MAF: variants seen among roughly 807,000 people sequenced by gnomAD.
MAF encodes the protein MAF bZIP transcription factor.
MAF carries 10 observed loss-of-function variants against 22.0 expected under a neutral mutation model. The ratio of observed to expected loss-of-function variants is 0.45; its 90% CI spans 0.28 to 0.77. MAF has a LOEUF of 0.77. Ranked by LOEUF, MAF falls within the 30% of genes least tolerant of loss-of-function variation. MAF has a pLI of 0.12. For missense variants in MAF, 544 were observed against 548.4 expected (o/e 0.99, Z 0.08); for synonymous variants, 337 against 255.8 (o/e 1.32, Z -3.03).
chr16:79,474,388 G>A, the MAF span, among the ~76,000 whole-genome samples: 4 of 152,288 alleles, frequency 2.6e-5, no homozygotes, highest in Admixed American at 1.3e-4. Context: ...TCCCTCATAT[G>A]TATTAAATGG....
At chr16:79,250,993 T>G in the MAF span, among the ~76,000 whole-genome samples, 449 of 152,336 alleles carry the variant, frequency 2.9e-3, 7 homozygotes, top group Admixed American at 0.023. Flanking sequence ...AACAGTGAGT[T>G]GTTAAGTGCT....
the MAF span, among the ~76,000 whole-genome samples, chr16:79,390,792 A>AC: frequency 2.0e-5 from 3 of 152,108 alleles, no homozygotes; most frequent in African/African-American, 7.2e-5. Context: ...TAATCTGATA[A>AC]CCGGGCCACA....
At chr16:79,352,460 G>C in the MAF span, among the ~76,000 whole-genome samples, 7 of 152,084 alleles carry the variant, frequency 4.6e-5, no homozygotes, top group African/African-American at 1.7e-4. Context: ...GGCAGTTTCT[G>C]AACTCCTCTA....
the MAF span, among the ~76,000 whole-genome samples, chr16:79,345,250 G>A: frequency 3.3e-5 from 5 of 151,930 alleles, no homozygotes; most frequent in Non-Finnish European, 7.4e-5. Flanking sequence ...CTAAACTCTT[G>A]ACCACCCTAT....
At chr16:79,259,254 C>A in the MAF span, among the ~76,000 whole-genome samples, 9 of 152,154 alleles carry the variant, frequency 5.9e-5, no homozygotes, top group African/African-American at 2.2e-4. Context: ...GGGATGCCCA[C>A]GCTTGCCCAC....
At chr16:79,513,023 G>C in the MAF span, among the ~76,000 whole-genome samples, 2 of 152,250 alleles carry the variant, frequency 1.3e-5, no homozygotes, top group African/African-American at 4.8e-5. Flanking sequence ...CCCAGAGGGA[G>C]TGCCTTTTCA....
At chr16:79,587,367 G>A (rs1041305304) in intron 1 of MAF, among the ~76,000 whole-genome samples, 1 of 151,880 alleles carries the variant, frequency 6.6e-6, no homozygotes, top group Non-Finnish European at 1.5e-5. Flanking sequence ...AGTATCAGTT[G>A]TTCTCCATTT....
the MAF span, among the ~76,000 whole-genome samples, chr16:79,574,506 A>G: frequency 6.6e-6 from 1 of 152,190 alleles, no homozygotes; most frequent in Non-Finnish European, 1.5e-5. Context: ...AAAATCGTCT[A>G]TGCATCTCTC....
the MAF span, among the ~76,000 whole-genome samples, chr16:79,527,270 T>C: frequency 7.9e-5 from 12 of 152,206 alleles, no homozygotes; most frequent in African/African-American, 2.9e-4. Flanking sequence ...TAGGGTTTCA[T>C]CTCCTTCATT....
At chr16:79,563,752 C>T in the MAF span, among the ~76,000 whole-genome samples, 3 of 132,814 alleles carry the variant, frequency 2.3e-5, no homozygotes, top group African/African-American at 7.5e-5. Context: ...CACACACACA[C>T]ACACACACAC....
downstream of MAF, among the ~76,000 whole-genome samples, chr16:79,580,900 G>C (rs1200087860): frequency 1.3e-5 from 2 of 152,128 alleles, no homozygotes; most frequent in African/African-American, 4.8e-5. Flanking sequence ...TTTGAGCGTT[G>C]GGAGAGAACT....
the MAF span, among the ~76,000 whole-genome samples, chr16:79,468,492 T>A: frequency 9.8e-5 from 15 of 152,348 alleles, no homozygotes; most frequent in Middle Eastern, 3.4e-3. Flanking sequence ...CGTCTGCTCT[T>A]GCCTCAAGAA....
chr16:79,307,900 A>C, the MAF span, among the ~76,000 whole-genome samples: 1 of 152,216 alleles, frequency 6.6e-6, no homozygotes, highest in Non-Finnish European at 1.5e-5. Context: ...CCCAGGAAGC[A>C]GTTCCTCTAC....
chr16:79,401,226 G>A, the MAF span, among the ~76,000 whole-genome samples: 2 of 152,168 alleles, frequency 1.3e-5, no homozygotes, highest in Non-Finnish European at 2.9e-5. Flanking sequence ...TGCATTTCTT[G>A]ATTTCCTTTT....
the MAF span, among the ~76,000 whole-genome samples, chr16:79,447,805 A>T: frequency 9.1e-4 from 136 of 149,506 alleles, no homozygotes; most frequent in Non-Finnish European, 1.8e-3. Context: ...GAGGCAGGAG[A>T]ATCGCTTGAG....
At chr16:79,257,708 A>G in the MAF span, among the ~76,000 whole-genome samples, 1 of 152,214 alleles carries the variant, frequency 6.6e-6, no homozygotes, top group Non-Finnish European at 1.5e-5. Flanking sequence ...TGTACATGTA[A>G]TTTGTGTGCA....
chr16:79,331,785 C>G, the MAF span, among the ~76,000 whole-genome samples: 1 of 152,136 alleles, frequency 6.6e-6, no homozygotes, highest in African/African-American at 2.4e-5. Context: ...GCCTCATTCC[C>G]TCCATTCAGA....
the MAF span, among the ~76,000 whole-genome samples, chr16:79,329,614 A>G: frequency 6.6e-6 from 1 of 152,200 alleles, no homozygotes; most frequent in Non-Finnish European, 1.5e-5. Flanking sequence ...AGTGGTTCAT[A>G]TCAGTCACGG....
the MAF span, among the ~76,000 whole-genome samples, chr16:79,308,107 C>T: frequency 6.6e-6 from 1 of 152,342 alleles, no homozygotes; most frequent in Non-Finnish European, 1.5e-5. Context: ...TGTGTCATAT[C>T]TATGGTGTCC....
Sources: gnomAD v4.1 joint callset for allele counts (sites outside exome capture counted in the v4.1 genomes callset) on GRCh38, gnomAD v4.1.1 for gene constraint, MANE v1.5 for transcripts, NCBI Gene and HGNC (gene_info 2026-07-23, HGNC 2026-07-21) for gene names.